PRKG1: variants seen among roughly 807,000 people sequenced by gnomAD.
The protein encoded by PRKG1 is cGMP-dependent protein kinase 1.
In PRKG1, 35 loss-of-function variants were observed where a neutral mutation model predicts 88.1. The observed-to-expected ratio is 0.40, with a 90% CI of 0.30 to 0.53. The LOEUF is 0.53. Among genes scored for constraint, PRKG1 ranks in the 20% least tolerant of loss-of-function variants. PRKG1 has a pLI of 0.59. For synonymous variants in PRKG1, 303 were observed against 292.5 expected (o/e 1.04, Z -0.37); for missense variants, 540 against 839.8 (o/e 0.64, Z 4.41).
chr10:51,052,532 C>T (rs1323406967), intron 1 of PRKG1, among the ~76,000 whole-genome samples: 1 of 152,130 alleles, frequency 6.6e-6, no homozygotes, highest in African/African-American at 2.4e-5. Context: ...ATTTAGAATG[C>T]AAATATATCT....
chr10:51,028,824 A>C (rs1043451987), intron 1 of PRKG1, among the ~76,000 whole-genome samples: 3 of 152,180 alleles, frequency 2.0e-5, no homozygotes, highest in Non-Finnish European at 2.9e-5. Context: ...TCATCATTAG[A>C]TGTTTGTTCA....
chr10:52,274,468 G>A (rs1841817130), intron 12 of PRKG1, among the ~76,000 whole-genome samples: 1 of 150,890 alleles, frequency 6.6e-6, no homozygotes, highest in Middle Eastern at 3.5e-3. Flanking sequence ...TCCTTTTTAT[G>A]GCTGTGTAGT....
intron 4 of PRKG1, among the ~76,000 whole-genome samples, chr10:51,848,948 C>G (rs1284884716): frequency 6.6e-6 from 1 of 151,296 alleles, no homozygotes; most frequent in East Asian, 1.9e-4. Flanking sequence ...ATGTTGATGT[C>G]ATGATATCAT....
intron 2 of PRKG1, among the ~76,000 whole-genome samples, chr10:51,311,496 A>G (rs537959155): frequency 6.6e-6 from 1 of 152,270 alleles, no homozygotes; most frequent in Non-Finnish European, 1.5e-5. Flanking sequence ...GTCCGTGGAG[A>G]ACATTGGCAG....
chr10:51,721,619 G>A lies in PRKG1; in HGVS notation c.593-82966G>A, dbSNP rs377370673. ...AAGGAGGCTCTCTTTAGTGCACGAG[G>A]CTCACACTCTCTGATACCACTTGCT... On this transcript the variant is annotated intron_variant, in intron 3 of 17. Coordinates refer to ENST00000373980, the MANE Select transcript of PRKG1 (RefSeq NM_006258.4). 4.6e-5 allele frequency among the ~76,000 whole-genome samples: 7 copies of A among 152,246 alleles called. No homozygotes were observed. In the East Asian group the frequency reaches 1.4e-3, roughly 29 times the overall value.
intron 3 of PRKG1, chr10:51,695,406 T>C (rs750943766): frequency 2.6e-5 from 4 of 152,160 alleles, no homozygotes; most frequent in Non-Finnish European, 5.9e-5. Flanking sequence ...AAACAAAAGG[T>C]AATCAGGCCC....
intron 4 of PRKG1, among the ~76,000 whole-genome samples, chr10:51,856,178 C>G (rs915132640): frequency 2.0e-5 from 3 of 152,140 alleles, no homozygotes; most frequent in Admixed American, 1.3e-4. Flanking sequence ...ATTTAGAGCC[C>G]ACCCATATAA....
intron 5 of PRKG1, among the ~76,000 whole-genome samples, chr10:51,984,602 A>G (rs1993858): frequency 1 from 152,291 of 152,294 alleles, 76,144 homozygotes; most frequent in Middle Eastern, 1. Context: ...AACATTGCAA[A>G]GTGAACTTCA....
At chr10:51,532,020 T>C (rs1035184700) in intron 3 of PRKG1, among the ~76,000 whole-genome samples, 1 of 152,158 alleles carries the variant, frequency 6.6e-6, no homozygotes, top group Non-Finnish European at 1.5e-5. Flanking sequence ...AATGTACTTT[T>C]ACAAAAACCA....
chr10:51,330,981 G>C (rs921145838), intron 2 of PRKG1, among the ~76,000 whole-genome samples: 2 of 152,132 alleles, frequency 1.3e-5, no homozygotes, highest in Non-Finnish European at 2.9e-5. Context: ...TGGGTGGCAC[G>C]GTGCTCCTCA....
intron 3 of PRKG1, among the ~76,000 whole-genome samples, chr10:51,683,834 T>G (rs974312366): frequency 6.6e-6 from 1 of 152,206 alleles, no homozygotes; most frequent in Admixed American, 6.5e-5. Context: ...CCATGGCAAC[T>G]GAAAAACTCA....
chr10:51,580,163 T>A (rs2132184557), intron 3 of PRKG1, among the ~76,000 whole-genome samples: 1 of 152,254 alleles, frequency 6.6e-6, no homozygotes, highest in South Asian at 2.1e-4. Flanking sequence ...TTCAGCAACT[T>A]GTCTTTGTCA....
At chr10:51,989,043 C>T (rs902653695) in intron 5 of PRKG1, among the ~76,000 whole-genome samples, 10 of 151,954 alleles carry the variant, frequency 6.6e-5, no homozygotes, top group African/African-American at 2.4e-4. Flanking sequence ...TATTCTCTGC[C>T]CTCTTGATCC....
intron 2 of PRKG1, among the ~76,000 whole-genome samples, chr10:51,365,640 T>G (rs1713993888): frequency 6.6e-6 from 1 of 151,940 alleles, no homozygotes; most frequent in South Asian, 2.1e-4. Flanking sequence ...TGAGGAGCTT[T>G]TGTAGAAATG....
At chr10:51,359,179 A>AT (rs1370934193) in intron 2 of PRKG1, among the ~76,000 whole-genome samples, 1 of 151,850 alleles carries the variant, frequency 6.6e-6, no homozygotes, top group Non-Finnish European at 1.5e-5. Flanking sequence ...TTCTAAGCCT[A>AT]TTTTTTCCTG....
At chr10:51,293,600 G>T (rs759256767) in intron 2 of PRKG1, among the ~76,000 whole-genome samples, 1 of 151,894 alleles carries the variant, frequency 6.6e-6, no homozygotes. Context: ...TACCTATACC[G>T]CATTTTCTTT....
chr10:52,286,641 C>T (rs1842122495), intron 14 of PRKG1, among the ~76,000 whole-genome samples: 1 of 151,788 alleles, frequency 6.6e-6, no homozygotes, highest in Admixed American at 6.6e-5. Context: ...TATAGGTATA[C>T]TTATTTCTCA....
intron 5 of PRKG1, among the ~76,000 whole-genome samples, chr10:51,961,971 G>A (rs1843458363): frequency 6.6e-6 from 1 of 152,150 alleles, no homozygotes; most frequent in Non-Finnish European, 1.5e-5. Flanking sequence ...GGAAAAACTA[G>A]CACCATCGGA....
rs975435048 is a variant in PRKG1, at chr10:52,298,245, T to C, written c.*4345T>C. On this transcript the variant is annotated 3_prime_UTR_variant, in exon 18 of 18. Transcript: ENST00000373980. ...TTGATGTAGATTAAAAACTTTTTCATAAATTTACCTGCTTTGATTTGCTCT... is the reference window on the plus strand; with the variant it reads ...TTGATGTAGATTAAAAACTTTTTCACAAATTTACCTGCTTTGATTTGCTCT... The C allele has an allele frequency of 2.6e-5, 4 of 151,920 alleles. No individual in the cohort carries two copies. Among genetic ancestry groups the C allele is most frequent in the Admixed American group, 1.3e-4 (2 of 15,214 alleles). The allele number at this position is 151,920 out of a possible 1,614,324, so 9.4% of individuals were successfully genotyped here.
Sources: gnomAD v4.1 joint callset for allele counts (sites outside exome capture counted in the v4.1 genomes callset) on GRCh38, gnomAD v4.1.1 for gene constraint, MANE v1.5 for transcripts, NCBI Gene and HGNC (gene_info 2026-07-23, HGNC 2026-07-21) for gene names.